The following PGM2L1 variants were observed in gnomAD, a reference collection of about 807,000 sequenced individuals.
PGM2L1 encodes the protein phosphoglucomutase 2 like 1, also known as glucose 1,6-bisphosphate synthase.
PGM2L1 carries 35 observed loss-of-function variants against 73.4 expected under a neutral mutation model. The observed-to-expected ratio is 0.48, with a 90% CI of 0.36 to 0.63. PGM2L1 has a LOEUF of 0.63. Among genes scored for constraint, PGM2L1 ranks in the 30% least tolerant of loss-of-function variants. The pLI, the probability that PGM2L1 is intolerant of heterozygous loss-of-function variation, is 0.00. For missense variants in PGM2L1, 570 were observed against 742.0 expected, an observed-to-expected ratio of 0.77 and a Z score of 2.69; for synonymous variants, 225 against 253.8, an observed-to-expected ratio of 0.89 and a Z score of 1.08.
intron 5 of PGM2L1, among the ~76,000 whole-genome samples, chr11:74,357,923 G>A (rs1392338450): frequency 1.3e-5 from 2 of 152,158 alleles, no homozygotes; most frequent in Non-Finnish European, 2.9e-5. Context: ...ATCTAAAAAG[G>A]CTATATACTG....
chr11:74,374,534 T>G lies in PGM2L1; in HGVS notation c.160A>C (p.Asn54His), dbSNP rs1290205906. Reference protein sequence around the residue: ...QIENLLRNGMNKELRDRLCCR... With the variant: ...QIENLLRNGMHKELRDRLCCR... The stretch of plus-strand genomic sequence containing the variant: ...CAAAGACGATCTCGCAGCTCCTTGT[T>G]CATCCCATTCCGTAACAGGTTTTCA... The change falls in exon 2 of 14, where the codon AAC becomes CAC. Residue 54 changes from asparagine (N) to histidine (H), a missense_variant. Asn to His is a moderately conservative substitution (Grantham distance 68). Coordinates refer to ENST00000298198, the MANE Select transcript of PGM2L1 (RefSeq NM_173582.6). The G allele has an allele frequency of 6.2e-7, 1 of 1,614,094 alleles. No homozygotes were observed. The highest frequency in any genetic ancestry group is 1.3e-5 in the African/African-American group (1 of 74,942).
chr11:74,360,900 G>C (rs555973789), intron 5 of PGM2L1, among the ~76,000 whole-genome samples: 2 of 152,328 alleles, frequency 1.3e-5, no homozygotes, highest in East Asian at 3.9e-4. Flanking sequence ...CAAAGGCCAG[G>C]AAGCTCGAAC....
chr11:74,390,194 A>T (rs1863080291), intron 1 of PGM2L1, among the ~76,000 whole-genome samples: 1 of 150,218 alleles, frequency 6.7e-6, no homozygotes, highest in South Asian at 2.1e-4. Context: ...CAGGGCAAAG[A>T]AGTCCCCCAA....
intron 5 of PGM2L1, among the ~76,000 whole-genome samples, chr11:74,362,077 A>G (rs1355420966): frequency 6.6e-6 from 1 of 152,186 alleles, no homozygotes; most frequent in Non-Finnish European, 1.5e-5. Flanking sequence ...AAGAAGAGCA[A>G]CTCCAAGACA....
chr11:74,387,235 C>T (rs1208039012), intron 1 of PGM2L1, among the ~76,000 whole-genome samples: 1 of 152,134 alleles, frequency 6.6e-6, no homozygotes, highest in Non-Finnish European at 1.5e-5. Context: ...ATTCTCATTA[C>T]ATCAAATGTA....
chr11:74,354,554 G>A, intron 5 of PGM2L1: 2 of 1,151,194 alleles, frequency 1.7e-6, no homozygotes, highest in East Asian at 2.3e-5. Flanking sequence ...TGAGCAATGG[G>A]AATGCTCACG....
chr11:74,394,767 A>C (rs1258881376), intron 1 of PGM2L1, among the ~76,000 whole-genome samples: 1 of 152,172 alleles, frequency 6.6e-6, no homozygotes, highest in African/African-American at 2.4e-5. Flanking sequence ...TTTTTTCATA[A>C]AGACTTTTCA....
intron 1 of PGM2L1, among the ~76,000 whole-genome samples, chr11:74,397,088 G>A (rs892207266): frequency 9.8e-5 from 15 of 152,286 alleles, no homozygotes; most frequent in African/African-American, 3.6e-4. Context: ...AAGCCTTAAG[G>A]AAATTCATTT....
In PGM2L1 at chr11:74,374,476, C is replaced by T; in HGVS notation, c.218G>A (p.Arg73His). The change falls in exon 2 of 14, where the codon CGT becomes CAT. Residue 73 changes from arginine to histidine, a missense_variant. By Grantham distance (29) the Arg-to-His change is conservative. Coordinates refer to ENST00000298198, the MANE Select transcript of PGM2L1 (RefSeq NM_173582.6). ...CRMTFGTAGLRSAMGAGFCYI... is the reference protein window; with the variant it reads ...CRMTFGTAGLHSAMGAGFCYI... ...GCAAAACCCTGCCCCCATGGCAGAA[C>T]GAAGTCCTGCAGTCCCAAAAGTCAT... 1 of 1,614,096 alleles carries T rather than the reference C, an allele frequency of 6.2e-7. No individual in the cohort carries two copies. Among genetic ancestry groups the T allele is most frequent in the Non-Finnish European group, 8.5e-7 (1 of 1,179,928 alleles).
chr11:74,397,012 C>G (rs113019531), intron 1 of PGM2L1, among the ~76,000 whole-genome samples: 1 of 152,192 alleles, frequency 6.6e-6, no homozygotes, highest in African/African-American at 2.4e-5. Flanking sequence ...AACACGCACT[C>G]AGCATTCAAT....
At chr11:74,380,671 CT>C (rs202009544) in intron 1 of PGM2L1, among the ~76,000 whole-genome samples, 4 of 152,050 alleles carry the variant, frequency 2.6e-5, no homozygotes, top group South Asian at 2.1e-4. Flanking sequence ...AAAAACCTAT[CT>C]TTTTTTAAAA....
chr11:74,351,382 C>G lies in PGM2L1; in HGVS notation c.749+1G>C. 6.2e-7 allele frequency: 1 copy of G among 1,609,884 alleles called. No homozygotes were observed. The highest frequency in any genetic ancestry group is 8.5e-7 in the Non-Finnish European group (1 of 1,178,264). On this transcript the variant is annotated splice_donor_variant, in intron 6 of 13. Transcript: ENST00000298198. LOFTEE classifies it high-confidence loss of function. ...ATTATCTGATATTCTCACTTGGATA[C>G]CTGTAAAAACAGATCTTTTTCAGAT...
In PGM2L1 at chr11:74,336,160, A is replaced by G. The variant is rs1862091861; in HGVS notation, c.*492T>C. On this transcript the variant is annotated 3_prime_UTR_variant, in exon 14 of 14. Coordinates refer to ENST00000298198, the MANE Select transcript of PGM2L1 (RefSeq NM_173582.6). ...CAAATACTCTAATTTGTAAATTAAT[A>G]CCTGTGATGTCACAATGACACTTTT... The G allele has an allele frequency of 6.6e-6, 1 of 152,258 alleles. No individual in the cohort carries two copies. Among genetic ancestry groups the G allele is most frequent in the South Asian group, 2.1e-4 (1 of 4,836 alleles). The allele number at this position is 152,258 out of a possible 1,614,324, so 9.4% of individuals were successfully genotyped here.
chr11:74,364,858 A>G (rs1145685), intron 5 of PGM2L1, among the ~76,000 whole-genome samples: 8,148 of 152,146 alleles, frequency 0.054, 696 homozygotes, highest in African/African-American at 0.18. Context: ...GAATTGGAAA[A>G]AACTACTTTA....
chr11:74,385,599 A>G (rs1224031188), intron 1 of PGM2L1, among the ~76,000 whole-genome samples: 3 of 152,308 alleles, frequency 2.0e-5, no homozygotes, highest in East Asian at 3.9e-4. Context: ...GTAGGAGCTT[A>G]AATAAGATAA....
In PGM2L1 at chr11:74,343,039, A is replaced by G. The variant is rs201013189; in HGVS notation, c.1313-25T>C. The G allele has an allele frequency of 1.1e-5, 18 of 1,574,732 alleles. No homozygotes were observed. In the African/African-American group the frequency reaches 1.5e-4, roughly 13 times the overall value. On this transcript the variant is annotated intron_variant, in intron 10 of 13. Coordinates refer to ENST00000298198, the MANE Select transcript of PGM2L1 (RefSeq NM_173582.6). ...CCTGAGGATTGAAAACCATCACTAGAAAAGAGGAAAACTTAAGGCTATAAT... is the reference window on the plus strand; with the variant it reads ...CCTGAGGATTGAAAACCATCACTAGGAAAGAGGAAAACTTAAGGCTATAAT...
intron 1 of PGM2L1, among the ~76,000 whole-genome samples, chr11:74,397,052 A>T (rs1405341073): frequency 6.6e-6 from 1 of 152,254 alleles, no homozygotes; most frequent in African/African-American, 2.4e-5. Context: ...GAATGAATAA[A>T]GTAAAAACAA....
At chr11:74,343,113 A>C (rs1011898298) in intron 10 of PGM2L1, 99 bp from the exon 11 acceptor site, 21 of 1,438,268 alleles carry the variant, frequency 1.5e-5, no homozygotes, top group Middle Eastern at 1.8e-4. Flanking sequence ...TTAAAAGCCT[A>C]GTAATAGATG....
At chr11:74,394,804 T>C (rs512641) in intron 1 of PGM2L1, among the ~76,000 whole-genome samples, 3,588 of 152,288 alleles carry the variant, frequency 0.024, 75 homozygotes, top group African/African-American at 0.053. Flanking sequence ...CTAAGATTAG[T>C]AATTTTAGTG....
Sources: allele counts gnomAD v4.1 joint callset (sites outside exome capture counted in the v4.1 genomes callset), GRCh38; gene constraint gnomAD v4.1.1; transcripts MANE v1.5; gene names NCBI Gene and HGNC (gene_info 2026-07-23, HGNC 2026-07-21).